The following TPM3 variants were observed in gnomAD, a reference collection of about 807,000 sequenced individuals.
TPM3 encodes tropomyosin alpha-3 chain.
Under a neutral mutation model 43.1 loss-of-function variants are expected in TPM3, and 16 were observed. The observed-to-expected ratio is 0.37, with a 90% CI of 0.25 to 0.56. TPM3 has a LOEUF of 0.56. Among genes scored for constraint, TPM3 ranks in the 20% least tolerant of loss-of-function variants. TPM3 has a pLI of 0.77. For synonymous variants in TPM3, 101 were observed against 116.9 expected, an observed-to-expected ratio of 0.86 and a Z score of 0.88; for missense variants, 176 against 337.2, an observed-to-expected ratio of 0.52 and a Z score of 3.74.
intron 8 of TPM3, 169 bp from the exon 9 acceptor site, chr1:154,169,552 A>G: frequency 1.5e-6 from 1 of 679,870 alleles, no homozygotes; most frequent in Non-Finnish European, 2.6e-6. Flanking sequence ...TTTCAGATCT[A>G]CTCTCTCCTA....
At chr1:154,158,743 G>A (rs1331051551), downstream of TPM3, 2 of 535,512 alleles carry the variant, frequency 3.7e-6, no homozygotes, top group Non-Finnish European at 6.8e-6. Context: ...TAATCTCTCA[G>A]GCCCCTCCCT....
chr1:154,191,806 G>C, intron 1 of TPM3, 96 bp downstream of exon 1: 1 of 1,574,686 alleles, frequency 6.4e-7, no homozygotes, highest in Non-Finnish European at 8.7e-7. Flanking sequence ...CCAAAAAGGA[G>C]GTGACACCAG....
downstream of TPM3, chr1:154,157,017 C>G (rs1196577075): frequency 5.0e-6 from 1 of 201,134 alleles, no homozygotes; most frequent in Admixed American, 6.0e-5. Flanking sequence ...ATAGAAATAA[C>G]ATTATCCAAA....
chr1:154,187,889 C>T (rs1406444490), intron 2 of TPM3, among the ~76,000 whole-genome samples: 2 of 151,380 alleles, frequency 1.3e-5, no homozygotes, highest in East Asian at 3.9e-4. Context: ...ATCTTCATGC[C>T]CATATGTTAG....
chr1:154,174,667 G>A (rs1383638217), intron 3 of TPM3, among the ~76,000 whole-genome samples: 4 of 150,548 alleles, frequency 2.7e-5, no homozygotes, highest in Non-Finnish European at 5.9e-5. Flanking sequence ...GCTAATTTTT[G>A]TACTTTTACC....
intron 2 of TPM3, among the ~76,000 whole-genome samples, chr1:154,184,685 GAGA>G (rs1663321991): frequency 6.6e-6 from 1 of 152,124 alleles, no homozygotes; most frequent in African/African-American, 2.4e-5. Flanking sequence ...AGGCCAACGC[GAGA>G]AGATCACTTC....
intron 8 of TPM3, 37 bp from the exon 9 acceptor site, chr1:154,169,420 G>A: frequency 6.2e-7 from 1 of 1,605,526 alleles, no homozygotes; most frequent in Non-Finnish European, 8.5e-7. Flanking sequence ...GGAATGAGGG[G>A]ACAGAGTGAA....
In TPM3 at chr1:154,178,267, G is replaced by A. The variant is rs550389635; in HGVS notation, c.244-2019C>T. The A allele has an allele frequency of 4.9e-6, 4 of 818,056 alleles. No homozygotes were observed. In the South Asian group the frequency reaches 1.7e-4, roughly 35 times the overall value. The allele number at this position is 818,056 out of a possible 1,614,324, so 50.7% of individuals were successfully genotyped here. On this transcript the variant is annotated intron_variant, in intron 2 of 9. Transcript: ENST00000651641. ...CCATGACAGCAAGCTGGCTCAGGCA[G>A]TTTCTCCCACAAATCAGCATTTACA... is the stretch of plus-strand genomic sequence containing the variant.
intron 2 of TPM3, chr1:154,178,320 G>C (rs529863205): frequency 5.6e-6 from 2 of 357,642 alleles, no homozygotes; most frequent in African/African-American, 2.2e-5. Context: ...GCTGAAAAGG[G>C]AGAGGGGGAA....
rs745347694 is a variant in TPM3, at chr1:154,170,599, A to G, written c.705+50T>C. ...CAGTTTAAATCCATATTAATGCCTT[A>G]TATACCTCTAAATGTTTTGGGTTCT... On this transcript the variant is annotated intron_variant, in intron 7 of 9. Coordinates refer to ENST00000651641, the MANE Select transcript of TPM3 (RefSeq NM_152263.4). 20 of 1,595,042 alleles carry G rather than the reference A, an allele frequency of 1.3e-5. No individual in the cohort carries two copies. The Admixed American group carries it at 3.2e-4, about 25-fold the overall frequency.
At chr1:154,191,617 T>C in intron 1 of TPM3, 1 of 1,409,604 alleles carries the variant, frequency 7.1e-7, no homozygotes, top group Non-Finnish European at 9.2e-7. Flanking sequence ...TCTTTCCCTC[T>C]AGAACTCTTA....
chr1:154,170,999 T>C (rs932524517), intron 6 of TPM3: 20 of 529,216 alleles, frequency 3.8e-5, no homozygotes, highest in South Asian at 1.9e-4. Context: ...TTCCCCTGCT[T>C]GATGAGCAAG....
intron 2 of TPM3, among the ~76,000 whole-genome samples, chr1:154,182,427 CCT>C (rs1663062759): frequency 6.6e-6 from 1 of 152,232 alleles, no homozygotes; most frequent in East Asian, 1.9e-4. Context: ...CACCGCGCTT[CCT>C]CTCAGCCAAC....
At chr1:154,172,427 A>T (rs1210208171) in intron 5 of TPM3, 1 of 546,842 alleles carries the variant, frequency 1.8e-6, no homozygotes, top group Non-Finnish European at 3.6e-6. Context: ...TTTTTTTTTA[A>T]ATTTATTTGT....
At chr1:154,191,547 C>T (rs1036768896) in intron 1 of TPM3, 2 of 1,318,244 alleles carry the variant, frequency 1.5e-6, no homozygotes, top group Non-Finnish European at 2.0e-6. Flanking sequence ...TCCAAGACCC[C>T]TGGATGATAA....
downstream of TPM3, chr1:154,158,501 G>A (rs1386267731): frequency 1.0e-5 from 3 of 289,260 alleles, no homozygotes; most frequent in Admixed American, 4.7e-5. Flanking sequence ...GAAGGTGATG[G>A]CAACACAGAC....
At chr1:154,172,828 T>C in intron 5 of TPM3, 80 bp downstream of exon 5, 1 of 1,543,242 alleles carries the variant, frequency 6.5e-7, no homozygotes, top group Non-Finnish European at 9.0e-7. Context: ...GAAGGAATGC[T>C]AATTTATTCA....
At position 154,167,827 on chromosome 1, in the gene TPM3, C is replaced by T; in HGVS notation, c.*110G>A. On this transcript the variant is annotated 3_prime_UTR_variant, in exon 10 of 10. Coordinates refer to ENST00000651641, the MANE Select transcript of TPM3 (RefSeq NM_152263.4). ...TGCTTTTTGCTCCCCCATCCTAATGCCTTGGGGACCAGCCAGGCTGACCCA... is the reference window on the plus strand; with the variant it reads ...TGCTTTTTGCTCCCCCATCCTAATGTCTTGGGGACCAGCCAGGCTGACCCA... 1 of 1,610,242 alleles carries T rather than the reference C, an allele frequency of 6.2e-7. No homozygotes were observed. The highest frequency in any genetic ancestry group is 1.3e-5 in the African/African-American group (1 of 74,880).
At chr1:154,169,639 T>C (rs1661360927) in intron 8 of TPM3, 1 of 570,940 alleles carries the variant, frequency 1.8e-6, no homozygotes, top group Non-Finnish European at 3.1e-6. Flanking sequence ...TAACTAGAAA[T>C]TCCTATTACC....
Sources: allele counts gnomAD v4.1 joint callset (sites outside exome capture counted in the v4.1 genomes callset), GRCh38; gene constraint gnomAD v4.1.1; transcripts MANE v1.5; gene names NCBI Gene and HGNC (gene_info 2026-07-23, HGNC 2026-07-21).